Variants in ARHGAP6 observed in about 807,000 individuals in gnomAD.
ARHGAP6 encodes the protein rho GTPase-activating protein 6.
A neutral mutation model predicts 55.7 loss-of-function variants in ARHGAP6; 16 were observed. That is an observed-to-expected ratio of 0.29 (90% confidence interval 0.19 to 0.44). The LOEUF is 0.44. ARHGAP6 is among the 20% of genes least tolerant of loss of function. ARHGAP6 has a pLI of 1.00. For synonymous variants in ARHGAP6, 382 were observed against 360.9 expected (o/e 1.06, Z -0.66); for missense variants, 698 against 808.9 (o/e 0.86, Z 1.66).
chrX:11,431,091 G>A (rs984617923), intron 1 of ARHGAP6, among the ~76,000 whole-genome samples: 2 of 112,582 alleles, frequency 1.8e-5, no homozygotes, highest in African/African-American at 6.5e-5. Context: ...CACTTCAGAG[G>A]AGGCTGAAGT....
intron 1 of ARHGAP6, among the ~76,000 whole-genome samples, chrX:11,539,014 G>A (rs749384777): frequency 9.1e-6 from 1 of 110,132 alleles, no homozygotes; most frequent in Non-Finnish European, 1.9e-5. Context: ...GCCACCACGC[G>A]TGGCTAATTT....
chrX:11,521,667 T>C (rs1215688028), intron 1 of ARHGAP6, among the ~76,000 whole-genome samples: 1 of 111,233 alleles, frequency 9.0e-6, no homozygotes, highest in African/African-American at 3.3e-5. Flanking sequence ...ATATGAACTT[T>C]AAAGTAGTTT....
intron 2 of ARHGAP6, among the ~76,000 whole-genome samples, chrX:11,234,392 TG>T (rs1187916688): frequency 2.7e-5 from 3 of 112,553 alleles, no homozygotes; most frequent in African/African-American, 9.7e-5. Flanking sequence ...CTACTGCCCT[TG>T]TTATGCTGCT....
At chrX:11,278,122 T>C in intron 1 of ARHGAP6, among the ~76,000 whole-genome samples, 1 of 111,411 alleles carries the variant, frequency 9.0e-6, no homozygotes, top group Non-Finnish European at 1.9e-5. Context: ...GGTTGAGAAA[T>C]GGAAGAAGCC....
intron 2 of ARHGAP6, among the ~76,000 whole-genome samples, chrX:11,236,487 G>A: frequency 9.0e-6 from 1 of 111,595 alleles, no homozygotes. Context: ...GAAATGTGGT[G>A]CCTATTTCAG....
intron 1 of ARHGAP6, among the ~76,000 whole-genome samples, chrX:11,505,480 C>A (rs1297005224): frequency 4.5e-5 from 5 of 111,211 alleles, no homozygotes; most frequent in African/African-American, 1.6e-4. Flanking sequence ...CCATTGTGGA[C>A]AGCAGTGTGG....
chrX:11,473,070 T>G (rs755386561), intron 1 of ARHGAP6, among the ~76,000 whole-genome samples: 26 of 111,015 alleles, frequency 2.3e-4, no homozygotes, highest in African/African-American at 8.5e-4. Context: ...ACATCCGGTT[T>G]CCCTCCAAAC....
intron 1 of ARHGAP6, among the ~76,000 whole-genome samples, chrX:11,620,540 T>C (rs2052215943): frequency 8.9e-6 from 1 of 112,426 alleles, no homozygotes; most frequent in African/African-American, 3.2e-5. Flanking sequence ...CTCTTTCCAA[T>C]GGGAGACGAA....
intron 1 of ARHGAP6, among the ~76,000 whole-genome samples, chrX:11,543,944 A>G (rs2051186552): frequency 8.9e-6 from 1 of 112,905 alleles, no homozygotes; most frequent in African/African-American, 3.2e-5. Flanking sequence ...TTAAGAACAG[A>G]TACTTGTTAT....
At chrX:11,473,646 G>C (rs1411748167) in intron 1 of ARHGAP6, among the ~76,000 whole-genome samples, 1 of 111,596 alleles carries the variant, frequency 9.0e-6, no homozygotes, top group Non-Finnish European at 1.9e-5. Context: ...CCTTCACAGG[G>C]ATCATGGCAC....
intron 1 of ARHGAP6, among the ~76,000 whole-genome samples, chrX:11,294,534 T>C (rs908169646): frequency 8.0e-5 from 9 of 112,129 alleles, no homozygotes; most frequent in African/African-American, 2.9e-4. Flanking sequence ...AGATCATTCA[T>C]GTCCCTGTAA....
At chrX:11,513,390 G>T (rs1480325100) in intron 1 of ARHGAP6, among the ~76,000 whole-genome samples, 1 of 112,179 alleles carries the variant, frequency 8.9e-6, no homozygotes, top group African/African-American at 3.2e-5. Flanking sequence ...GCCCAAGCAA[G>T]TTGAGACTTC....
intron 1 of ARHGAP6, among the ~76,000 whole-genome samples, chrX:11,497,433 T>C (rs1190822517): frequency 9.1e-6 from 1 of 110,096 alleles, no homozygotes; most frequent in African/African-American, 3.3e-5. Context: ...GAAGGCAAGG[T>C]CTTTGGAAGA....
chrX:11,642,419 G>C (rs759757771), intron 1 of ARHGAP6, among the ~76,000 whole-genome samples: 1 of 111,921 alleles, frequency 8.9e-6, no homozygotes, highest in Non-Finnish European at 1.9e-5. Context: ...AATGGACTCA[G>C]AAATTCCAAT....
chrX:11,594,699 C>T (rs1346106410), intron 1 of ARHGAP6, among the ~76,000 whole-genome samples: 1 of 111,682 alleles, frequency 9.0e-6, no homozygotes, highest in Admixed American at 9.5e-5. Flanking sequence ...CAGTTTCATC[C>T]TGAAACCACC....
chrX:11,145,938 C>A (rs188532948), intron 10 of ARHGAP6, among the ~76,000 whole-genome samples: 1 of 112,157 alleles, frequency 8.9e-6, no homozygotes, highest in African/African-American at 3.2e-5. Flanking sequence ...CCTCTAATAA[C>A]CAAACCTTAT....
At chrX:11,461,967 T>C (rs775981167) in intron 1 of ARHGAP6, among the ~76,000 whole-genome samples, 1 of 111,900 alleles carries the variant, frequency 8.9e-6, no homozygotes, top group Admixed American at 9.5e-5. Flanking sequence ...GGAGGGACAA[T>C]AGCATCTCTG....
intron 1 of ARHGAP6, among the ~76,000 whole-genome samples, chrX:11,413,339 C>T (rs1370623265): frequency 6.2e-5 from 7 of 112,188 alleles, no homozygotes; most frequent in Admixed American, 5.7e-4. Context: ...GAAATGATAG[C>T]GGGAGGCCAT....
chrX:11,380,222 C>A (rs902470346), intron 1 of ARHGAP6, among the ~76,000 whole-genome samples: 1 of 111,221 alleles, frequency 9.0e-6, no homozygotes, highest in Non-Finnish European at 1.9e-5. Flanking sequence ...AACCCCAAAC[C>A]AAGCCTGTGT....
Sources: gnomAD v4.1 joint callset for allele counts (sites outside exome capture counted in the v4.1 genomes callset) on GRCh38, gnomAD v4.1.1 for gene constraint, MANE v1.5 for transcripts, NCBI Gene and HGNC (gene_info 2026-07-23, HGNC 2026-07-21) for gene names.